Variants in TSPEAR observed in about 807,000 individuals in gnomAD.
TSPEAR encodes the protein thrombospondin-type laminin G domain and EAR repeat-containing protein.
TSPEAR carries 69 observed loss-of-function variants against 71.6 expected under a neutral mutation model. The ratio of observed to expected loss-of-function variants is 0.96; its 90% CI spans 0.79 to 1.18. The LOEUF (loss-of-function observed/expected upper bound fraction) is 1.18, where lower values mean the gene tolerates loss of function less well. Ranked by LOEUF, TSPEAR falls within the 50% of genes most tolerant of loss-of-function variation. The pLI is 0.00. For missense variants in TSPEAR, 971 were observed against 894.9 expected (o/e 1.09, Z -1.09); for synonymous variants, 402 against 387.2 (o/e 1.04, Z -0.45).
intron 1 of TSPEAR, among the ~76,000 whole-genome samples, chr21:44,619,324 A>T (rs1198628348): frequency 6.6e-6 from 1 of 152,246 alleles, no homozygotes; most frequent in African/African-American, 2.4e-5. Flanking sequence ...ACAGAAACAA[A>T]CAAAAACAAC....
intron 1 of TSPEAR, among the ~76,000 whole-genome samples, chr21:44,571,935 G>A (rs1225642091): frequency 4.6e-5 from 7 of 152,214 alleles, no homozygotes; most frequent in African/African-American, 7.2e-5. Flanking sequence ...CACAGGGACC[G>A]TGCGGGCGAG....
intron 1 of TSPEAR, among the ~76,000 whole-genome samples, chr21:44,670,681 C>T (rs1315149021): frequency 6.6e-6 from 1 of 152,168 alleles, no homozygotes; most frequent in Non-Finnish European, 1.5e-5. Flanking sequence ...GCCAGGATGC[C>T]ACATAATGGC....
At chr21:44,701,345 G>A (rs558490894) in intron 1 of TSPEAR, among the ~76,000 whole-genome samples, 4 of 152,262 alleles carry the variant, frequency 2.6e-5, no homozygotes, top group East Asian at 1.9e-4. Flanking sequence ...CTAGAACAGC[G>A]GTCCCCAACC....
At chr21:44,522,317 C>G (rs1353474254) in intron 8 of TSPEAR, among the ~76,000 whole-genome samples, 2 of 152,216 alleles carry the variant, frequency 1.3e-5, no homozygotes, top group Non-Finnish European at 2.9e-5. Context: ...ATCACAGGTG[C>G]TATTCCCATA....
chr21:44,619,970 T>G (rs974633981), intron 1 of TSPEAR, among the ~76,000 whole-genome samples: 1 of 152,220 alleles, frequency 6.6e-6, no homozygotes. Context: ...GAAGAAATAA[T>G]GGCCCAAACT....
intron 1 of TSPEAR, among the ~76,000 whole-genome samples, chr21:44,616,083 G>C (rs1251127097): frequency 6.6e-6 from 1 of 152,144 alleles, no homozygotes; most frequent in Non-Finnish European, 1.5e-5. Context: ...GCAGCACCTG[G>C]GCAGAGTGCA....
chr21:44,578,461 T>C (rs1408495040), intron 1 of TSPEAR, among the ~76,000 whole-genome samples: 1 of 151,808 alleles, frequency 6.6e-6, no homozygotes, highest in African/African-American at 2.4e-5. Flanking sequence ...ACCAAGCATT[T>C]AGGGGAGAAA....
intron 2 of TSPEAR, among the ~76,000 whole-genome samples, chr21:44,534,191 G>A (rs1366457475): frequency 2.5e-5 from 1 of 39,440 alleles, no homozygotes; most frequent in Non-Finnish European, 4.9e-5. Context: ...GGGCTGGTGT[G>A]TGAGGGGTGG....
chr21:44,705,191 A>G (rs1987852303), intron 1 of TSPEAR, among the ~76,000 whole-genome samples: 1 of 152,266 alleles, frequency 6.6e-6, no homozygotes, highest in African/African-American at 2.4e-5. Flanking sequence ...AAGATTTCAT[A>G]GACACTTATC....
rs542085859 is a variant in TSPEAR at position 44,706,219 on chromosome 21, T to C, written c.82+5214A>G. Among the ~76,000 whole-genome samples the C allele has an allele frequency of 1.1e-4, 16 of 152,244 alleles. No homozygotes were observed. The East Asian group carries it at 2.9e-3, about 28-fold the overall frequency. On this transcript the variant is annotated intron_variant, in intron 1 of 11. Coordinates refer to ENST00000323084, the MANE Select transcript of TSPEAR (RefSeq NM_144991.3). ...CCCCTGCTGCAACACCAGGCTCTGG[T>C]AGAAACTTCAGAAAACATGCACCGG...
At chr21:44,663,652 A>G (rs1018799991) in intron 1 of TSPEAR, among the ~76,000 whole-genome samples, 3 of 152,102 alleles carry the variant, frequency 2.0e-5, no homozygotes, top group Non-Finnish European at 4.4e-5. Flanking sequence ...ATTATAGTAC[A>G]TAGTATATAG....
intron 9 of TSPEAR, chr21:44,518,440 T>G (rs1555913800): frequency 2.6e-6 from 1 of 390,166 alleles, no homozygotes; most frequent in African/African-American, 2.1e-5. Flanking sequence ...ATCACGGTGT[T>G]GGTAGATCTA....
chr21:44,507,381 A>G (rs1289514705), intron 10 of TSPEAR, among the ~76,000 whole-genome samples: 1 of 152,250 alleles, frequency 6.6e-6, no homozygotes. Context: ...AAAACCCCTC[A>G]GCGCCCTTGA....
At chr21:44,605,936 A>G (rs1477904297) in intron 1 of TSPEAR, among the ~76,000 whole-genome samples, 3 of 152,192 alleles carry the variant, frequency 2.0e-5, no homozygotes, top group Non-Finnish European at 2.9e-5. Flanking sequence ...CTAACAAAAT[A>G]AAACATAGAC....
chr21:44,687,478 G>A lies in TSPEAR; in HGVS notation c.82+23955C>T, dbSNP rs8127010. On this transcript the variant is annotated intron_variant, in intron 1 of 11. Coordinates refer to ENST00000323084, the MANE Select transcript of TSPEAR (RefSeq NM_144991.3). The surrounding 1 kb of genome is among the most constrained non-coding windows in gnomAD (Gnocchi z 4.4). ...TGAGGGCGGCATTGCTTACGCACAC[G>A]GCAACAGGAACGCATCGCAGAAACA... 0.61 allele frequency among the ~76,000 whole-genome samples: 92,520 copies of A among 152,064 alleles called. 28,391 individuals are homozygous for A. The highest frequency in any genetic ancestry group is 0.73 in the South Asian group (3,527 of 4,818).
intron 1 of TSPEAR, among the ~76,000 whole-genome samples, chr21:44,600,222 C>G (rs1331346379): frequency 6.6e-6 from 1 of 152,110 alleles, no homozygotes; most frequent in Non-Finnish European, 1.5e-5. Flanking sequence ...AGTCCCCTGG[C>G]GATGGCCCAC....
rs1985077720 is a variant in TSPEAR at position 44,655,285 on chromosome 21, C to G, written c.82+56148G>C. Among the ~76,000 whole-genome samples the G allele has an allele frequency of 2.6e-5, 4 of 152,294 alleles. 1 individual carries two copies. Among genetic ancestry groups the G allele is most frequent in the African/African-American group, 9.6e-5 (4 of 41,554 alleles). On this transcript the variant is annotated intron_variant, in intron 1 of 11. Coordinates refer to ENST00000323084, the MANE Select transcript of TSPEAR (RefSeq NM_144991.3). The stretch of plus-strand genomic sequence containing the variant: ...GGGATCTGGACTGCTTAGTTTCACT[C>G]TGGGATCCATGGTCGTTACCACTGT...
At chr21:44,516,682 C>A (rs1429075408) in intron 9 of TSPEAR, 1 of 152,226 alleles carries the variant, frequency 6.6e-6, no homozygotes, top group Non-Finnish European at 1.5e-5. Context: ...CACCACCCAC[C>A]CAGGCGATTT....
At chr21:44,579,411 A>C in intron 1 of TSPEAR, 1 of 395,166 alleles carries the variant, frequency 2.5e-6, no homozygotes, top group Non-Finnish European at 4.6e-6. Flanking sequence ...GACCAATCTG[A>C]GCTCAAAACC....
Sources: gnomAD v4.1 joint callset for allele counts (sites outside exome capture counted in the v4.1 genomes callset) on GRCh38, gnomAD v4.1.1 for gene constraint, Gnocchi (gnomAD v3.1) non-coding constraint, MANE v1.5 for transcripts, NCBI Gene and HGNC (gene_info 2026-07-23, HGNC 2026-07-21) for gene names.